Variants in GRK3 observed in about 807,000 individuals in gnomAD.
GRK3 encodes the protein G protein-coupled receptor kinase 3.
A neutral mutation model predicts 95.7 loss-of-function variants in GRK3; 54 were observed. The ratio of observed to expected loss-of-function variants is 0.56; its 90% CI spans 0.45 to 0.71. The LOEUF is 0.71. Ranked by LOEUF, GRK3 falls within the 30% of genes least tolerant of loss-of-function variation. GRK3 has a pLI of 0.00. For synonymous variants in GRK3, 281 were observed against 290.8 expected, an observed-to-expected ratio of 0.97 and a Z score of 0.34; for missense variants, 649 against 851.2, an observed-to-expected ratio of 0.76 and a Z score of 2.96.
At chr22:25,597,396 C>T (rs1006737247) in intron 1 of GRK3, among the ~76,000 whole-genome samples, 1 of 152,072 alleles carries the variant, frequency 6.6e-6, no homozygotes, top group Admixed American at 6.5e-5. Context: ...TGTAGGATTA[C>T]TATAGTTAAC....
intron 2 of GRK3, among the ~76,000 whole-genome samples, chr22:25,637,911 C>T (rs2084714540): frequency 6.6e-6 from 1 of 152,198 alleles, no homozygotes; most frequent in Non-Finnish European, 1.5e-5. Flanking sequence ...TTCCCTGGGG[C>T]ATCTGATCTT....
intron 1 of GRK3, among the ~76,000 whole-genome samples, chr22:25,590,194 C>T (rs1271816186): frequency 1.3e-5 from 2 of 152,030 alleles, no homozygotes; most frequent in Non-Finnish European, 2.9e-5. Flanking sequence ...TATATGCATT[C>T]CTGAAAGATA....
chr22:25,695,960 C>CA, intron 13 of GRK3, among the ~76,000 whole-genome samples: 1 of 151,534 alleles, frequency 6.6e-6, no homozygotes, highest in East Asian at 1.9e-4. Context: ...CAGCCTCCTG[C>CA]GTAGCTGGGA....
At chr22:25,717,250 C>T (rs1000444147) in intron 18 of GRK3, among the ~76,000 whole-genome samples, 2 of 151,998 alleles carry the variant, frequency 1.3e-5, no homozygotes, top group Non-Finnish European at 2.9e-5. Flanking sequence ...CTGCTGGGGT[C>T]CTGGAACCTA....
chr22:25,701,442 T>G (rs933318626), intron 13 of GRK3, among the ~76,000 whole-genome samples: 17 of 152,242 alleles, frequency 1.1e-4, no homozygotes, highest in Non-Finnish European at 1.5e-5. Flanking sequence ...AGCATAGACT[T>G]GAATAGCTGA....
chr22:25,688,068 C>G (rs1304590024), intron 11 of GRK3, among the ~76,000 whole-genome samples: 5 of 152,020 alleles, frequency 3.3e-5, no homozygotes, highest in Non-Finnish European at 7.4e-5. Context: ...AACCCCGTCT[C>G]TACTAAAAAT....
intron 1 of GRK3, among the ~76,000 whole-genome samples, chr22:25,584,497 G>A (rs113204901): frequency 0.022 from 3,376 of 152,238 alleles, 22 homozygotes; most frequent in Middle Eastern, 0.068. Flanking sequence ...GTTCAGATAT[G>A]CCAAAGGGAA....
intron 5 of GRK3, among the ~76,000 whole-genome samples, chr22:25,664,593 T>A (rs1295629661): frequency 6.7e-6 from 1 of 149,120 alleles, no homozygotes; most frequent in East Asian, 2.0e-4. Flanking sequence ...CTATCTCTGC[T>A]CATTGCAACC....
At chr22:25,699,484 A>G (rs1251764099) in intron 13 of GRK3, among the ~76,000 whole-genome samples, 1 of 152,058 alleles carries the variant, frequency 6.6e-6, no homozygotes, top group Non-Finnish European at 1.5e-5. Context: ...CCCTAAGTAG[A>G]GGCCAAGGAT....
intron 2 of GRK3, among the ~76,000 whole-genome samples, chr22:25,642,576 A>G (rs904073670): frequency 3.3e-5 from 5 of 152,060 alleles, no homozygotes; most frequent in African/African-American, 9.7e-5. Context: ...TTTAGTGTAC[A>G]TTGTACTCAA....
intron 1 of GRK3, among the ~76,000 whole-genome samples, chr22:25,575,560 C>T (rs563353805): frequency 3.3e-5 from 5 of 152,138 alleles, no homozygotes; most frequent in African/African-American, 7.2e-5. Flanking sequence ...TCATTTATTT[C>T]GTGTTTATTA....
chr22:25,683,299 G>T (rs532901759), intron 9 of GRK3, among the ~76,000 whole-genome samples: 16 of 152,262 alleles, frequency 1.1e-4, no homozygotes, highest in African/African-American at 1.9e-4. Context: ...TTATTTCCTG[G>T]CTTGTGCTAT....
At chr22:25,592,192 T>C (rs1932515073) in intron 1 of GRK3, among the ~76,000 whole-genome samples, 1 of 152,236 alleles carries the variant, frequency 6.6e-6, no homozygotes, top group African/African-American at 2.4e-5. Flanking sequence ...AGGTATGTAG[T>C]GGAATCTTCT....
intron 1 of GRK3, among the ~76,000 whole-genome samples, chr22:25,591,546 C>G (rs1932490231): frequency 6.6e-6 from 1 of 152,052 alleles, no homozygotes; most frequent in Non-Finnish European, 1.5e-5. Flanking sequence ...TAGAAGCCCA[C>G]CAAGAGTCAG....
intron 3 of GRK3, among the ~76,000 whole-genome samples, chr22:25,651,311 A>G (rs1351072799): frequency 6.6e-6 from 1 of 152,180 alleles, no homozygotes; most frequent in Non-Finnish European, 1.5e-5. Context: ...AGGTTCCTCT[A>G]TTTTCAGGAT....
rs34169246 is a variant in GRK3 at position 25,726,912 on chromosome 22, C to CTT, written c.*4462_*4463insTT. On this transcript the variant is annotated 3_prime_UTR_variant, in exon 21 of 21. Coordinates refer to ENST00000324198, the MANE Select transcript of GRK3 (RefSeq NM_005160.4). ...TTACCAGGCCATCTCCAAAACACCCCGTGTGTGTGTGTGTGTGTGTGTGTG... is the reference window on the plus strand; with the variant it reads ...TTACCAGGCCATCTCCAAAACACCCCTTGTGTGTGTGTGTGTGTGTGTGTGTG... 1 of 137,896 alleles carries CTT rather than the reference C, an allele frequency of 7.3e-6. No individual in the cohort carries two copies. The highest frequency in any genetic ancestry group is 1.5e-5 in the Non-Finnish European group (1 of 64,614). 8.5% of individuals were successfully genotyped at this position (137,896 alleles called of 1,614,324 possible). A position where few individuals can be genotyped will look rare whatever the true frequency, so the allele number is the denominator to read the frequency against.
At chr22:25,676,662 G>T (rs1601519789) in intron 8 of GRK3, among the ~76,000 whole-genome samples, 1 of 150,754 alleles carries the variant, frequency 6.6e-6, no homozygotes, top group South Asian at 2.1e-4. Flanking sequence ...TTGCACTTCA[G>T]CCTGAGTGAC....
intron 2 of GRK3, among the ~76,000 whole-genome samples, chr22:25,616,618 C>T (rs923657773): frequency 2.6e-5 from 4 of 152,114 alleles, no homozygotes; most frequent in African/African-American, 7.2e-5. Flanking sequence ...AAGCTAAAGG[C>T]TGTGAGAGAC....
chr22:25,715,627 A>G (rs1002942977), intron 18 of GRK3, among the ~76,000 whole-genome samples: 3 of 152,250 alleles, frequency 2.0e-5, no homozygotes, highest in African/African-American at 2.4e-5. Flanking sequence ...TTCACTGAAT[A>G]TGGTTACTCT....
Sources: gnomAD v4.1 joint callset for allele counts (sites outside exome capture counted in the v4.1 genomes callset) on GRCh38, gnomAD v4.1.1 for gene constraint, MANE v1.5 for transcripts, NCBI Gene and HGNC (gene_info 2026-07-23, HGNC 2026-07-21) for gene names.